Variants in PAK5 observed in about 807,000 individuals in gnomAD.
PAK5 encodes the protein p21 (RAC1) activated kinase 5.
PAK5 carries 16 observed loss-of-function variants against 65.9 expected under a neutral mutation model. The ratio of observed to expected loss-of-function variants is 0.24; its 90% CI spans 0.16 to 0.37. The LOEUF (loss-of-function observed/expected upper bound fraction) is 0.37, where lower values mean the gene tolerates loss of function less well. PAK5 is among the 10% of genes least tolerant of loss of function. The pLI is 1.00. For missense variants in PAK5, 785 were observed against 903.9 expected (o/e 0.87, Z 1.69); for synonymous variants, 371 against 354.9 (o/e 1.05, Z -0.51).
At chr20:9,698,154 T>C (rs1278173479) in intron 2 of PAK5, among the ~76,000 whole-genome samples, 1 of 152,116 alleles carries the variant, frequency 6.6e-6, no homozygotes, top group Admixed American at 6.6e-5. Context: ...CTTAGAAACC[T>C]TTCTGAGAAT....
intron 3 of PAK5, among the ~76,000 whole-genome samples, chr20:9,643,756 C>A (rs539937350): frequency 6.6e-6 from 1 of 152,068 alleles, no homozygotes; most frequent in Admixed American, 6.6e-5. Flanking sequence ...AAATGGAAAA[C>A]AACAAAAGGT....
At position 9,702,450 on chromosome 20, in the gene PAK5, G is replaced by C. The variant is rs139935944; in HGVS notation, c.-12+8836C>G. ...CCAAATAACAATCAACTGGTTTACT[G>C]TACCGATTGTACATCATGTATTAGA... On this transcript the variant is annotated intron_variant, in intron 2 of 9. Transcript: ENST00000353224. Among the ~76,000 whole-genome samples, 23 of 152,268 alleles carry C rather than the reference G, an allele frequency of 1.5e-4. No individual in the cohort carries two copies. In the East Asian group the frequency reaches 4.2e-3, roughly 28 times the overall value.
chr20:9,696,392 A>G (rs2047869797), intron 2 of PAK5, among the ~76,000 whole-genome samples: 1 of 152,062 alleles, frequency 6.6e-6, no homozygotes, highest in Admixed American at 6.6e-5. Context: ...GGAATAACAG[A>G]TCCACATTTT....
intron 2 of PAK5, among the ~76,000 whole-genome samples, chr20:9,709,229 T>C (rs2048047949): frequency 6.6e-6 from 1 of 152,186 alleles, no homozygotes; most frequent in Non-Finnish European, 1.5e-5. Flanking sequence ...TAGGTCTTCT[T>C]TGTTTTCATC....
intron 4 of PAK5, among the ~76,000 whole-genome samples, chr20:9,576,390 G>T (rs1413709320): frequency 6.6e-6 from 1 of 152,118 alleles, no homozygotes. Flanking sequence ...AGGACATTTG[G>T]CAGTGTCTGG....
intron 1 of PAK5, among the ~76,000 whole-genome samples, chr20:9,759,510 T>C (rs1319330571): frequency 6.6e-6 from 1 of 152,108 alleles, no homozygotes; most frequent in African/African-American, 2.4e-5. Flanking sequence ...AAAACACAGA[T>C]TCCTGGCCAC....
At chr20:9,797,671 G>A (rs772656745) in intron 1 of PAK5, among the ~76,000 whole-genome samples, 2 of 146,534 alleles carry the variant, frequency 1.4e-5, no homozygotes, top group East Asian at 2.0e-4. Flanking sequence ...ATAAAAATAA[G>A]AGCACAAGAA....
intron 1 of PAK5, among the ~76,000 whole-genome samples, chr20:9,768,509 G>A (rs1335049539): frequency 6.6e-6 from 1 of 152,110 alleles, no homozygotes; most frequent in Non-Finnish European, 1.5e-5. Flanking sequence ...GGGGCCAGGC[G>A]CGGTGGCTCA....
chr20:9,748,125 A>G (rs1367038106), intron 1 of PAK5, among the ~76,000 whole-genome samples: 8 of 152,088 alleles, frequency 5.3e-5, no homozygotes. Context: ...AATCCAACTT[A>G]CAAGGGACGT....
At chr20:9,703,058 C>T (rs939966067) in intron 2 of PAK5, among the ~76,000 whole-genome samples, 1 of 152,146 alleles carries the variant, frequency 6.6e-6, no homozygotes, top group Admixed American at 6.5e-5. Flanking sequence ...GTACCTAAAA[C>T]CTTTTTAACA....
At chr20:9,775,184 A>T (rs2048874893) in intron 1 of PAK5, among the ~76,000 whole-genome samples, 1 of 152,172 alleles carries the variant, frequency 6.6e-6, no homozygotes, top group African/African-American at 2.4e-5. Context: ...GGTGTGGGTT[A>T]TACATATTTA....
At chr20:9,792,406 C>T (rs746856765) in intron 1 of PAK5, among the ~76,000 whole-genome samples, 8 of 152,106 alleles carry the variant, frequency 5.3e-5, no homozygotes, top group Non-Finnish European at 1.0e-4. Flanking sequence ...AAGTCATAAT[C>T]GTTCTACAAC....
At chr20:9,613,123 C>T (rs2046594458) in intron 3 of PAK5, among the ~76,000 whole-genome samples, 1 of 152,130 alleles carries the variant, frequency 6.6e-6, no homozygotes, top group African/African-American at 2.4e-5. Context: ...TGGTTGTATT[C>T]CAATAAAACT....
intron 6 of PAK5, among the ~76,000 whole-genome samples, chr20:9,561,732 A>G (rs1399363770): frequency 1.3e-5 from 2 of 152,214 alleles, no homozygotes; most frequent in African/African-American, 4.8e-5. Context: ...TTTCAATAAC[A>G]TCAGCTAACA....
In PAK5 at chr20:9,838,470, C is replaced by T. The variant is rs1433125790; in HGVS notation, c.-162+292G>A. Among the ~76,000 whole-genome samples, 1 of 152,168 alleles carries T rather than the reference C, an allele frequency of 6.6e-6. No homozygotes were observed. Among genetic ancestry groups the T allele is most frequent in the Non-Finnish European group, 1.5e-5 (1 of 68,030 alleles). On this transcript the variant is annotated intron_variant, in intron 1 of 9. Coordinates refer to ENST00000353224, the MANE Select transcript of PAK5 (RefSeq NM_177990.4). The surrounding 1 kb of genome is among the most constrained non-coding windows in gnomAD (Gnocchi z 4.5). ...GGCTGGAATCCGGGGTTCTCCTCCA[C>T]GCCCTCCCGCCCAGCAAAATGGAAC...
intron 2 of PAK5, among the ~76,000 whole-genome samples, chr20:9,651,565 A>C (rs140143500): frequency 6.6e-6 from 1 of 152,246 alleles, no homozygotes; most frequent in African/African-American, 2.4e-5. Context: ...TGGTCACACG[A>C]AAGTGTGAAT....
At position 9,644,172 on chromosome 20, in the gene PAK5, T is replaced by C. The variant is rs2047103428; in HGVS notation, c.157A>G (p.Met53Val). ...LADTANRPKP[M>V]VDPSCITPIQ... ...GGTGTGATGCATGAAGGGTCCACCA[T>C]AGGCTTTGGCCTGTTGGCCGTATCT... The change falls in exon 3 of 10, where the codon ATG becomes GTG. Residue 53 changes from methionine (M) to valine (V), a missense_variant. Met to Val is a conservative substitution (Grantham distance 21). Transcript: ENST00000353224. The C allele has an allele frequency of 1.9e-6, 3 of 1,612,392 alleles. No homozygotes were observed. Among genetic ancestry groups the C allele is most frequent in the East Asian group, 2.2e-5 (1 of 44,874 alleles).
intron 3 of PAK5, among the ~76,000 whole-genome samples, chr20:9,602,305 A>G (rs6056744): frequency 1.1e-4 from 11 of 99,440 alleles, no homozygotes; most frequent in African/African-American, 4.3e-4. Flanking sequence ...TAAATAAATA[A>G]ATAAATAAAT....
intron 1 of PAK5, among the ~76,000 whole-genome samples, chr20:9,780,884 T>C (rs1227570391): frequency 1.3e-5 from 2 of 152,162 alleles, no homozygotes; most frequent in African/African-American, 2.4e-5. Flanking sequence ...TCCTCTCATA[T>C]ATCATCAAAA....
Sources: gnomAD v4.1 joint callset for allele counts (sites outside exome capture counted in the v4.1 genomes callset) on GRCh38, gnomAD v4.1.1 for gene constraint, Gnocchi (gnomAD v3.1) non-coding constraint, MANE v1.5 for transcripts, NCBI Gene and HGNC (gene_info 2026-07-23, HGNC 2026-07-21) for gene names.